The following ATE1 variants were observed in gnomAD, a reference collection of about 807,000 sequenced individuals.
ATE1 encodes arginyltransferase 1.
A neutral mutation model predicts 70.5 loss-of-function variants in ATE1; 36 were observed. The observed-to-expected ratio is 0.51, with a 90% CI of 0.39 to 0.67. ATE1 has a LOEUF of 0.67. Among genes scored for constraint, ATE1 ranks in the 30% least tolerant of loss-of-function variants. The pLI is 0.00. For missense variants in ATE1, 593 were observed against 629.5 expected, an observed-to-expected ratio of 0.94 and a Z score of 0.62; for synonymous variants, 232 against 219.3, an observed-to-expected ratio of 1.06 and a Z score of -0.51.
intron 11 of ATE1, among the ~76,000 whole-genome samples, chr10:121,783,198 C>T (rs533548806): frequency 1.3e-4 from 2 of 15,796 alleles, no homozygotes; most frequent in East Asian, 4.5e-4. Context: ...AGTATCTGTT[C>T]CTAAGATCAG....
At chr10:121,840,905 T>C (rs1230722527) in intron 9 of ATE1, among the ~76,000 whole-genome samples, 177 bp downstream of exon 9, 1 of 151,432 alleles carries the variant, frequency 6.6e-6, no homozygotes, top group East Asian at 1.9e-4. Flanking sequence ...TTAACTCATA[T>C]AGAATACCTA....
chr10:121,899,188 T>G (rs960865892), intron 7 of ATE1, among the ~76,000 whole-genome samples: 9 of 148,476 alleles, frequency 6.1e-5, no homozygotes, highest in African/African-American at 2.2e-4. Flanking sequence ...GCCAACAATT[T>G]GTTCTTTTTT....
Position 121,743,494 on chromosome 10 carries a change from C to G in ATE1, c.*186G>C. On this transcript the variant is annotated 3_prime_UTR_variant, in exon 12 of 12. Transcript: ENST00000224652. ...CTAGGTCATAATGCAGTTTTAAAATCTTTATATTAACTATGAGATTCTCAC... is the reference window on the plus strand; with the variant it reads ...CTAGGTCATAATGCAGTTTTAAAATGTTTATATTAACTATGAGATTCTCAC... 5.8e-6 allele frequency: 7 copies of G among 1,209,342 alleles called. No homozygotes were observed. Among genetic ancestry groups the G allele is most frequent in the Non-Finnish European group, 7.4e-6 (7 of 950,482 alleles). The allele number at this position is 1,209,342 out of a possible 1,614,324, so 74.9% of individuals were successfully genotyped here.
chr10:121,843,255 CACAGA>C (rs1397267508), intron 8 of ATE1, among the ~76,000 whole-genome samples: 11 of 152,022 alleles, frequency 7.2e-5, no homozygotes, highest in African/African-American at 2.2e-4. Flanking sequence ...ACAAAATATA[CACAGA>C]AAACTACAAA....
intron 7 of ATE1, among the ~76,000 whole-genome samples, chr10:121,880,144 T>C (rs1439320624): frequency 6.6e-6 from 1 of 152,216 alleles, no homozygotes; most frequent in African/African-American, 2.4e-5. Flanking sequence ...GCTATTTGAT[T>C]ATTATTAAGA....
At chr10:121,782,454 T>G (rs1039209055) in intron 11 of ATE1, 1 of 152,254 alleles carries the variant, frequency 6.6e-6, no homozygotes, top group Non-Finnish European at 1.5e-5. Flanking sequence ...TAATCATTCA[T>G]TAACTGTCAG....
chr10:121,919,746 A>C (rs1951806836), intron 3 of ATE1, among the ~76,000 whole-genome samples: 2 of 152,064 alleles, frequency 1.3e-5, no homozygotes, highest in Admixed American at 1.3e-4. Flanking sequence ...AAAAACACAA[A>C]AATTAACCAG....
chr10:121,847,756 C>CAAAAAAAAAAAAAA (rs34868723), intron 8 of ATE1, among the ~76,000 whole-genome samples: 1 of 60,844 alleles, frequency 1.6e-5, no homozygotes, highest in African/African-American at 6.4e-5. Flanking sequence ...GACTCTGTCT[C>CAAAAAAAAAAAAAA]AAAAAAAAAA....
chr10:121,869,248 A>G (rs1949768403), intron 8 of ATE1, among the ~76,000 whole-genome samples: 1 of 152,242 alleles, frequency 6.6e-6, no homozygotes, highest in African/African-American at 2.4e-5. Flanking sequence ...AATGTCATAT[A>G]GCTAGTAAGT....
In ATE1 at chr10:121,927,428, C is replaced by T. The variant is rs1952140619; in HGVS notation, c.106+416G>A. On this transcript the variant is annotated intron_variant, in intron 1 of 11. Transcript: ENST00000224652. ...AGTCTGATTCATACATGACCGGCACCTGTGTGCACACCCACAGCTCCCTCT... is the reference window on the plus strand; with the variant it reads ...AGTCTGATTCATACATGACCGGCACTTGTGTGCACACCCACAGCTCCCTCT... 10 of 985,076 alleles carry T rather than the reference C, an allele frequency of 1.0e-5. No individual in the cohort carries two copies. The South Asian group carries it at 4.2e-4, about 42-fold the overall frequency. The allele number at this position is 985,076 out of a possible 1,614,324, so 61.0% of individuals were successfully genotyped here.
chr10:121,841,446 A>G (rs1948626174), intron 8 of ATE1, among the ~76,000 whole-genome samples, 183 bp from the exon 9 acceptor site: 1 of 152,182 alleles, frequency 6.6e-6, no homozygotes, highest in Admixed American at 6.5e-5. Flanking sequence ...TACTGACTAA[A>G]TACAAAATTC....
chr10:121,906,506 G>C (rs1047380507), intron 5 of ATE1, among the ~76,000 whole-genome samples: 10 of 151,170 alleles, frequency 6.6e-5, no homozygotes, highest in Non-Finnish European at 1.3e-4. Flanking sequence ...TCCAGCCTGG[G>C]AGACAGAGTA....
chr10:121,844,700 G>C (rs1177185034), intron 8 of ATE1, among the ~76,000 whole-genome samples: 1 of 152,042 alleles, frequency 6.6e-6, no homozygotes, highest in African/African-American at 2.4e-5. Flanking sequence ...TCCTTCAATA[G>C]GCAAATGGAT....
At chr10:121,836,598 T>C (rs1948441978) in intron 10 of ATE1, 120 bp downstream of exon 10, 4 of 583,184 alleles carry the variant, frequency 6.9e-6, no homozygotes, top group Non-Finnish European at 1.2e-5. Context: ...AGCAAAGAGA[T>C]TTCCTATTAA....
intron 8 of ATE1, among the ~76,000 whole-genome samples, chr10:121,859,936 A>G (rs1367227665): frequency 6.6e-6 from 1 of 152,204 alleles, no homozygotes; most frequent in Admixed American, 6.5e-5. Context: ...GTGAGGCTCC[A>G]TCTCACAAAA....
At chr10:121,886,764 G>A (rs1228377757) in intron 7 of ATE1, among the ~76,000 whole-genome samples, 2 of 152,056 alleles carry the variant, frequency 1.3e-5, no homozygotes, top group Non-Finnish European at 2.9e-5. Flanking sequence ...GGGTAAAACT[G>A]GTTTCCTTGT....
intron 3 of ATE1, among the ~76,000 whole-genome samples, chr10:121,919,626 G>A (rs1376917600): frequency 6.6e-5 from 10 of 151,732 alleles, no homozygotes; most frequent in Non-Finnish European, 1.2e-4. Context: ...AAATTAACAC[G>A]CAAAATGTGC....
intron 10 of ATE1, among the ~76,000 whole-genome samples, chr10:121,821,002 C>T (rs1947772382): frequency 1.3e-5 from 2 of 152,164 alleles, no homozygotes; most frequent in South Asian, 2.1e-4. Context: ...AGCGCAGTGG[C>T]GCAATCTCGG....
Position 121,844,096 on chromosome 10 carries a change from C to A in ATE1, c.976-2833G>T, listed in dbSNP as rs564460981. 5.9e-5 allele frequency among the ~76,000 whole-genome samples: 9 copies of A among 152,294 alleles called. No individual in the cohort carries two copies. The South Asian group carries it at 1.9e-3, about 32-fold the overall frequency. On this transcript the variant is annotated intron_variant, in intron 8 of 11. Transcript: ENST00000224652. ...AATTCAACAACAAGAACACAAACTA[C>A]CCAATTAAAAAGTAGGCAAAATATT...
Sources: allele counts gnomAD v4.1 joint callset (sites outside exome capture counted in the v4.1 genomes callset), GRCh38; gene constraint gnomAD v4.1.1; transcripts MANE v1.5; gene names NCBI Gene and HGNC (gene_info 2026-07-23, HGNC 2026-07-21).